Variants in CAGE1 observed in about 807,000 individuals in gnomAD.
The protein encoded by CAGE1 is cancer antigen 1.
A neutral mutation model predicts 94.9 loss-of-function variants in CAGE1; 66 were observed. The observed-to-expected ratio is 0.70, with a 90% CI of 0.57 to 0.85. CAGE1 has a LOEUF of 0.85. Ranked by LOEUF, CAGE1 falls within the 40% of genes least tolerant of loss-of-function variation. CAGE1 has a pLI of 0.00. For missense variants in CAGE1, 865 were observed against 950.4 expected, an observed-to-expected ratio of 0.91 and a Z score of 1.18; for synonymous variants, 319 against 321.0, an observed-to-expected ratio of 0.99 and a Z score of 0.07.
chr6:7,351,896 C>T (rs915926525), intron 11 of CAGE1, among the ~76,000 whole-genome samples: 1 of 152,106 alleles, frequency 6.6e-6, no homozygotes, highest in Non-Finnish European at 1.5e-5. Context: ...GTAATAAAAG[C>T]CATCTATGAC....
Position 7,362,374 on chromosome 6 carries a change from G to A in CAGE1, c.2193+3094C>T, listed in dbSNP as rs1760194186. ...ACTCTGAACATCAGTACCATTAAGT[G>A]GACTTTTGCCTTGTTCCCAGTGGTC... On this transcript the variant is annotated intron_variant, in intron 9 of 13. Coordinates refer to ENST00000502583, the MANE Select transcript of CAGE1 (RefSeq NM_001170692.2). This position sits in a 1 kb window ranked among gnomAD's most constrained non-coding sequence, Gnocchi z 4.1. Among the ~76,000 whole-genome samples the A allele has an allele frequency of 1.3e-5, 2 of 152,142 alleles. No homozygotes were observed. The highest frequency in any genetic ancestry group is 4.1e-4 in the South Asian group (2 of 4,828).
chr6:7,349,064 C>T (rs1168045733), intron 11 of CAGE1, among the ~76,000 whole-genome samples: 2 of 152,294 alleles, frequency 1.3e-5, no homozygotes, highest in East Asian at 1.9e-4. Context: ...CAAAAAACAC[C>T]TGGGAAATTC....
At chr6:7,386,932 A>G in intron 2 of CAGE1, 47 bp downstream of exon 2, 1 of 1,243,118 alleles carries the variant, frequency 8.0e-7, no homozygotes, top group Non-Finnish European at 1.1e-6. Flanking sequence ...AGACAATGTG[A>G]ATTCTGAATA....
At chr6:7,338,626 A>G (rs1759050960) in intron 11 of CAGE1, among the ~76,000 whole-genome samples, 1 of 152,200 alleles carries the variant, frequency 6.6e-6, no homozygotes, top group Non-Finnish European at 1.5e-5. Context: ...GGATTAGAAC[A>G]TGGATTTGCC....
At chr6:7,353,948 G>A (rs1487454701) in intron 11 of CAGE1, among the ~76,000 whole-genome samples, 1 of 152,088 alleles carries the variant, frequency 6.6e-6, no homozygotes, top group Non-Finnish European at 1.5e-5. Flanking sequence ...GTGGGGAAGT[G>A]TGGAAGGGGG....
chr6:7,334,249 T>C (rs1352159798), intron 11 of CAGE1, among the ~76,000 whole-genome samples, 159 bp from the exon 12 acceptor site: 2 of 152,212 alleles, frequency 1.3e-5, no homozygotes, highest in Non-Finnish European at 2.9e-5. Context: ...GATTCTTTCC[T>C]AGCAACTCAA....
At chr6:7,328,442 G>A (rs1758607753) in intron 13 of CAGE1, among the ~76,000 whole-genome samples, 1 of 152,212 alleles carries the variant, frequency 6.6e-6, no homozygotes, top group East Asian at 1.9e-4. Flanking sequence ...CAGAGCTTGA[G>A]CTGACAGGCG....
rs1454151968 is a variant in CAGE1 at position 7,389,431 on chromosome 6, C to G, written c.-253G>C. On this transcript the variant is annotated 5_prime_UTR_variant, in exon 1 of 14. Transcript: ENST00000502583. ...ATCGGGCTCCCGGAGTGCTGGAACGCCCCTGTGTGACGTCCGCCCGCGCCG... is the reference window on the plus strand; with the variant it reads ...ATCGGGCTCCCGGAGTGCTGGAACGGCCCTGTGTGACGTCCGCCCGCGCCG... 2 of 429,936 alleles carry G rather than the reference C, an allele frequency of 4.7e-6. No individual in the cohort carries two copies. Among genetic ancestry groups the G allele is most frequent in the Non-Finnish European group, 9.4e-6 (2 of 213,862 alleles). The allele number at this position is 429,936 out of a possible 1,614,324, so 26.6% of individuals were successfully genotyped here.
chr6:7,335,968 T>G (rs952807718), intron 11 of CAGE1, among the ~76,000 whole-genome samples: 1 of 152,354 alleles, frequency 6.6e-6, no homozygotes. Flanking sequence ...AAAAAATGTG[T>G]TAAATATTAT....
At chr6:7,351,805 GAAAAAGCATTTGACAAA>G (rs925460008) in intron 11 of CAGE1, among the ~76,000 whole-genome samples, 1 of 152,122 alleles carries the variant, frequency 6.6e-6, no homozygotes, top group Admixed American at 6.5e-5. Context: ...AATAGATTCA[GAAAAAGCATTTGACAAA>G]ATCTAGCATC....
chr6:7,358,625 G>T (rs191987362), intron 9 of CAGE1, among the ~76,000 whole-genome samples: 95 of 152,276 alleles, frequency 6.2e-4, no homozygotes, highest in Non-Finnish European at 1.2e-3. Context: ...AGGATTGCTT[G>T]AGCTCAGGAG....
intron 13 of CAGE1, among the ~76,000 whole-genome samples, chr6:7,328,935 T>TA (rs1491191781): frequency 0.085 from 8,865 of 104,336 alleles, 484 homozygotes; most frequent in African/African-American, 0.13. Flanking sequence ...TATATATATA[T>TA]TTTTTTTTTT....
intron 1 of CAGE1, among the ~76,000 whole-genome samples, chr6:7,388,716 A>T (rs1007341437): frequency 6.6e-6 from 1 of 152,200 alleles, no homozygotes; most frequent in African/African-American, 2.4e-5. Flanking sequence ...TTTCAAACCT[A>T]TGTCATCACT....
rs1303710178 is a variant in CAGE1, at chr6:7,339,154, A to G, written c.2370-5064T>C. 9.8e-6 allele frequency: 15 copies of G among 1,529,100 alleles called. No individual in the cohort carries two copies. The highest frequency in any genetic ancestry group is 1.4e-5 in the Non-Finnish European group (15 of 1,104,100). The allele number at this position is 1,529,100 out of a possible 1,614,324, so 94.7% of individuals were successfully genotyped here. A position where few individuals can be genotyped will look rare whatever the true frequency, so the allele number is the denominator to read the frequency against. ...GCTCTCTGTCCTCAGAGTTTCCCAG[A>G]CACCACGACCTCACAGCCTTTGGCC... On this transcript the variant is annotated intron_variant, in intron 11 of 13. Coordinates refer to ENST00000502583, the MANE Select transcript of CAGE1 (RefSeq NM_001170692.2). This position sits in a 1 kb window ranked among gnomAD's most constrained non-coding sequence, Gnocchi z 4.7.
intron 11 of CAGE1, among the ~76,000 whole-genome samples, chr6:7,345,106 G>T (rs186421573): frequency 1.3e-5 from 2 of 151,628 alleles, no homozygotes; most frequent in African/African-American, 4.9e-5. Context: ...CTTAACTCTT[G>T]TTGCTGTTTG....
intron 11 of CAGE1, among the ~76,000 whole-genome samples, chr6:7,336,578 C>T (rs1207730609): frequency 6.6e-6 from 1 of 152,174 alleles, no homozygotes; most frequent in African/African-American, 2.4e-5. Flanking sequence ...GGCACAATCT[C>T]AGCTCACTGC....
At chr6:7,333,447 T>C (rs1417006028) in intron 12 of CAGE1, among the ~76,000 whole-genome samples, 3 of 152,080 alleles carry the variant, frequency 2.0e-5, no homozygotes, top group Non-Finnish European at 4.4e-5. Flanking sequence ...GTTTCTTCCT[T>C]AGAGTGACTG....
rs115193324 is a variant in CAGE1, at chr6:7,336,488, C to T, written c.2370-2398G>A. ...GGAGTATAATGAGTGCTTTGATTTGCATTTAATGACATGAGTGTATTTCTT... is the reference window on the plus strand; with the variant it reads ...GGAGTATAATGAGTGCTTTGATTTGTATTTAATGACATGAGTGTATTTCTT... On this transcript the variant is annotated intron_variant, in intron 11 of 13. Transcript: ENST00000502583. Among the ~76,000 whole-genome samples, 559 of 149,142 alleles carry T rather than the reference C, an allele frequency of 3.7e-3. 2 individuals are homozygous for T. The highest frequency in any genetic ancestry group is 0.017 in the Middle Eastern group (5 of 292).
At chr6:7,364,261 G>A (rs1046773378) in intron 9 of CAGE1, among the ~76,000 whole-genome samples, 6 of 152,036 alleles carry the variant, frequency 3.9e-5, no homozygotes, top group East Asian at 1.9e-4. Context: ...TCCAGTCCTC[G>A]GACAAGTATC....
Sources: gnomAD v4.1 joint callset for allele counts (sites outside exome capture counted in the v4.1 genomes callset) on GRCh38, gnomAD v4.1.1 for gene constraint, Gnocchi (gnomAD v3.1) non-coding constraint, MANE v1.5 for transcripts, NCBI Gene and HGNC (gene_info 2026-07-23, HGNC 2026-07-21) for gene names.